The following ADGRF4 variants were observed in gnomAD, a reference collection of about 807,000 sequenced individuals.
ADGRF4 encodes the protein G-protein coupled receptor PGR18.
ADGRF4 carries 63 observed loss-of-function variants against 58.5 expected under a neutral mutation model. That is an observed-to-expected ratio of 1.08 (90% CI 0.88 to 1.33). ADGRF4 has a LOEUF of 1.33. ADGRF4 is among the 40% of genes most tolerant of loss of function. ADGRF4 has a pLI of 0.00. For missense variants in ADGRF4, 931 were observed against 843.9 expected (o/e 1.10, Z -1.28); for synonymous variants, 313 against 295.4 (o/e 1.06, Z -0.61).
chr6:47,710,669 C>A, intron 3 of ADGRF4, 66 bp from the exon 4 acceptor site: 1 of 1,476,764 alleles, frequency 6.8e-7, no homozygotes, highest in Non-Finnish European at 9.1e-7. Context: ...ATTTGATGCA[C>A]CTGTCAAAAT....
intron 1 of ADGRF4, among the ~76,000 whole-genome samples, chr6:47,704,613 T>G (rs1382629514): frequency 6.6e-6 from 1 of 152,088 alleles, no homozygotes; most frequent in East Asian, 1.9e-4. Context: ...AATCTTATAG[T>G]CTGTATCTGT....
Position 47,719,518 on chromosome 6 carries a change from C to T in ADGRF4, c.*3+1073C>T, listed in dbSNP as rs116760486. ...CCTCGGGGATGAAACATCGCTATAACGTTTCTTAATTTGCCACTAATAGAG... is the reference window on the plus strand; with the variant it reads ...CCTCGGGGATGAAACATCGCTATAATGTTTCTTAATTTGCCACTAATAGAG... On this transcript the variant is annotated intron_variant, in intron 9 of 9. Coordinates refer to ENST00000283303, the MANE Select transcript of ADGRF4 (RefSeq NM_153838.5). 4.4e-3 allele frequency among the ~76,000 whole-genome samples: 663 copies of T among 152,266 alleles called. 3 individuals are homozygous for T. Among genetic ancestry groups the T allele is most frequent in the African/African-American group, 0.014 (574 of 41,544 alleles).
chr6:47,710,760 T>C lies in ADGRF4; in HGVS notation c.174T>C (p.Ser58=). ...AGAAATGCGAAGGACCTTGTATTTC[T>C]TCTTCCAACTGCAGCCAGCCCTGTG... ...IQEKCEGPCI[S]SSNCSQPCAK... The change falls in exon 4 of 10, where the codon TCT becomes TCC. Residue 58 remains serine (S), a synonymous_variant. Transcript: ENST00000283303. 1 of 1,608,158 alleles carries C rather than the reference T, an allele frequency of 6.2e-7. No homozygotes were observed. The highest frequency in any genetic ancestry group is 8.5e-7 in the Non-Finnish European group (1 of 1,178,244).
intron 6 of ADGRF4, 53 bp downstream of exon 6, chr6:47,715,230 A>T: frequency 7.9e-7 from 1 of 1,270,882 alleles, no homozygotes; most frequent in Non-Finnish European, 1.1e-6. Context: ...ACCACAAAAA[A>T]ATGGCTATGA....
chr6:47,708,664 A>G (rs1253192013), intron 3 of ADGRF4, among the ~76,000 whole-genome samples: 1 of 152,240 alleles, frequency 6.6e-6, no homozygotes, highest in Non-Finnish European at 1.5e-5. Flanking sequence ...TGAGAACTCT[A>G]TTAAAGCACT....
At chr6:47,710,651 C>T in intron 3 of ADGRF4, 84 bp from the exon 4 acceptor site, 2 of 1,415,450 alleles carry the variant, frequency 1.4e-6, no homozygotes, top group Middle Eastern at 3.7e-4. Flanking sequence ...CAAAAATCTC[C>T]AGAATGAATT....
At chr6:47,719,061 T>C (rs554465374) in intron 9 of ADGRF4, among the ~76,000 whole-genome samples, 1 of 152,336 alleles carries the variant, frequency 6.6e-6, no homozygotes, top group East Asian at 1.9e-4. Flanking sequence ...GTGGCCTTTC[T>C]GCATTGTTAT....
intron 7 of ADGRF4, 126 bp from the exon 8 acceptor site, chr6:47,717,166 A>G (rs1772040766): frequency 1.3e-6 from 1 of 748,132 alleles, no homozygotes; most frequent in Non-Finnish European, 2.5e-6. Flanking sequence ...GTTACTTGCC[A>G]GTCACTATGC....
chr6:47,704,058 T>A (rs1421963921), intron 1 of ADGRF4, among the ~76,000 whole-genome samples: 1 of 152,090 alleles, frequency 6.6e-6, no homozygotes, highest in African/African-American at 2.4e-5. Context: ...CTATTCTTTT[T>A]TTTTTTTTGA....
In ADGRF4 at chr6:47,714,456, T is replaced by C; in HGVS notation, c.1211T>C (p.Ile404Thr). The change falls in exon 6 of 10, where the codon ATC becomes ACC. Residue 404 changes from isoleucine (I) to threonine (T), a missense_variant. Physicochemically the swap from Ile to Thr is moderately conservative, Grantham distance 89. Transcript: ENST00000283303. ...ATGACCGACAAAGTTCTGGACTACA[T>C]CACCTGCATTGGGCTCAGCGTCTCA... ...KSMTDKVLDY[I>T]TCIGLSVSIL... 1 of 1,614,148 alleles carries C rather than the reference T, an allele frequency of 6.2e-7. No individual in the cohort carries two copies. Among genetic ancestry groups the C allele is most frequent in the Non-Finnish European group, 8.5e-7 (1 of 1,180,018 alleles).
intron 8 of ADGRF4, 121 bp downstream of exon 8, chr6:47,717,472 T>C: frequency 2.8e-6 from 2 of 725,684 alleles, no homozygotes; most frequent in East Asian, 2.5e-5. Context: ...AAAGCGTACT[T>C]CATTCATTCA....
At position 47,715,094 on chromosome 6, in the gene ADGRF4, A is replaced by G. The variant is rs1215745966; in HGVS notation, c.1849A>G (p.Thr617Ala). The G allele has an allele frequency of 1.2e-6, 2 of 1,609,762 alleles. No homozygotes were observed. Among genetic ancestry groups the G allele is most frequent in the South Asian group, 2.2e-5 (2 of 91,020 alleles). Residue 617 changes from threonine (T) to alanine (A), a missense_variant, in exon 6 of 10, where the codon ACC (threonine) becomes GCC (alanine). Coordinates refer to ENST00000283303, the MANE Select transcript of ADGRF4 (RefSeq NM_153838.5). ...CATCCTCACTCCACTGCTGGGACTG[A>G]CCTGGGGTTTTGGAATAGCCACTCT... ...VAILTPLLGL[T>A]WGFGIATLIE...
chr6:47,712,702 C>A, intron 5 of ADGRF4, 94 bp downstream of exon 5: 1 of 851,730 alleles, frequency 1.2e-6, no homozygotes, highest in Non-Finnish European at 1.8e-6. Flanking sequence ...ACTACAGTGA[C>A]AGCAACCATC....
chr6:47,707,846 T>A (rs917206131), intron 2 of ADGRF4, among the ~76,000 whole-genome samples: 6 of 152,222 alleles, frequency 3.9e-5, no homozygotes, highest in African/African-American at 1.2e-4. Flanking sequence ...ATCTACAGTA[T>A]CTGGTGGACC....
intron 4 of ADGRF4, 44 bp from the exon 5 acceptor site, chr6:47,712,313 G>A (rs765469087): frequency 1.9e-5 from 30 of 1,594,368 alleles, no homozygotes; most frequent in Non-Finnish European, 2.3e-5. Context: ...ATACATGGTA[G>A]GTACTTAATC....
intron 5 of ADGRF4, among the ~76,000 whole-genome samples, chr6:47,713,507 T>C (rs1217844988): frequency 6.6e-6 from 1 of 152,176 alleles, no homozygotes; most frequent in Non-Finnish European, 1.5e-5. Flanking sequence ...CATTAAACAA[T>C]CATTAAAATC....
At chr6:47,720,802 G>A (rs573064326) in intron 9 of ADGRF4, among the ~76,000 whole-genome samples, 2 of 152,280 alleles carry the variant, frequency 1.3e-5, no homozygotes, top group African/African-American at 4.8e-5. Flanking sequence ...TCACTAAAAG[G>A]ATACAGAGTT....
intron 4 of ADGRF4, among the ~76,000 whole-genome samples, chr6:47,712,110 T>A (rs943977029): frequency 2.0e-5 from 3 of 152,162 alleles, no homozygotes; most frequent in African/African-American, 7.2e-5. Context: ...GAGTTAAAAA[T>A]CACTGTCCTG....
Position 47,713,818 on chromosome 6 carries a change from C to T in ADGRF4, c.573C>T (p.Asn191=). 2 of 1,559,102 alleles carry T rather than the reference C, an allele frequency of 1.3e-6. No homozygotes were observed. Among genetic ancestry groups the T allele is most frequent in the Non-Finnish European group, 1.7e-6 (2 of 1,154,286 alleles). Residue 191 remains asparagine, a synonymous_variant, in exon 6 of 10, where the codon AAC becomes AAT. Transcript: ENST00000283303. ...TGCAGAGCTATAGTGAAGTGGCCAACCACATCCTCGACACAGCAGCCATTT... is the reference window on the plus strand; with the variant it reads ...TGCAGAGCTATAGTGAAGTGGCCAATCACATCCTCGACACAGCAGCCATTT... The part of the protein sequence containing the change: ...EKMKSYSEVA[N]HILDTAAISN...
Sources: gnomAD v4.1 joint callset for allele counts (sites outside exome capture counted in the v4.1 genomes callset) on GRCh38, gnomAD v4.1.1 for gene constraint, MANE v1.5 for transcripts, NCBI Gene and HGNC (gene_info 2026-07-23, HGNC 2026-07-21) for gene names.